SLK: variants seen among roughly 807,000 people sequenced by gnomAD.
The protein encoded by SLK is STE20-like serine/threonine-protein kinase.
In SLK, 67 loss-of-function variants were observed where a neutral mutation model predicts 147.7. The observed-to-expected ratio is 0.45, with a 90% CI of 0.37 to 0.56. The LOEUF (loss-of-function observed/expected upper bound fraction) is 0.56, where lower values mean the gene tolerates loss of function less well. Ranked by LOEUF, SLK falls within the 20% of genes least tolerant of loss-of-function variation. The pLI, the probability that SLK is intolerant of heterozygous loss-of-function variation, is 0.00. For missense variants in SLK, 1,136 were observed against 1,438.8 expected (o/e 0.79, Z 3.41); for synonymous variants, 441 against 475.0 (o/e 0.93, Z 0.93).
At chr10:103,971,264 GT>G (rs1264594304) in intron 1 of SLK, among the ~76,000 whole-genome samples, 1 of 148,892 alleles carries the variant, frequency 6.7e-6, no homozygotes. Context: ...TTTTGTTGTT[GT>G]TGTTTTGTTT....
In SLK at chr10:104,026,192, T is replaced by C. The variant is rs1844596954; in HGVS notation, c.*472T>C. ...ATAAAAAAGCTATGATTTGCTCAAA[T>C]ATGCTGTTGACTCAGTAAATGAATA... is the stretch of plus-strand genomic sequence containing the variant. On this transcript the variant is annotated 3_prime_UTR_variant, in exon 19 of 19. Coordinates refer to ENST00000369755, the MANE Select transcript of SLK (RefSeq NM_014720.4). 6.5e-6 allele frequency: 1 copy of C among 152,842 alleles called. No individual in the cohort carries two copies. The highest frequency in any genetic ancestry group is 1.5e-5 in the Non-Finnish European group (1 of 68,218). 9.5% of individuals were successfully genotyped at this position (152,842 alleles called of 1,614,324 possible).
rs1014065142 is a variant in SLK at position 104,007,199 on chromosome 10, A to G, written c.2605-978A>G. Among the ~76,000 whole-genome samples, 5 of 152,318 alleles carry G rather than the reference A, an allele frequency of 3.3e-5. No individual in the cohort carries two copies. In the East Asian group the frequency reaches 7.7e-4, roughly 23 times the overall value. On this transcript the variant is annotated intron_variant, in intron 11 of 18. Coordinates refer to ENST00000369755, the MANE Select transcript of SLK (RefSeq NM_014720.4). ...CTCAAATAAGCTCTTTGATTTATCA[A>G]AAATTTTATTGGATAAATATTGAAA...
chr10:104,001,016 G>GC (rs1844239245), intron 7 of SLK, among the ~76,000 whole-genome samples: 1 of 122,790 alleles, frequency 8.1e-6, no homozygotes, highest in African/African-American at 3.2e-5. Flanking sequence ...TTGAAATCGT[G>GC]CCACTGCCTT....
In SLK at chr10:104,005,910, A is replaced by G; in HGVS notation, c.2481-2A>G. ...TCTATCATTACCATTAAATTTTATC[A>G]GACGTCAGGAACTTCGGGAATTAAG... On this transcript the variant is annotated splice_acceptor_variant, in intron 10 of 18. Transcript: ENST00000369755. LOFTEE classifies it high-confidence loss of function. 1.3e-6 allele frequency: 2 copies of G among 1,599,462 alleles called. No homozygotes were observed. The highest frequency in any genetic ancestry group is 2.2e-5 in the East Asian group (1 of 44,762).
chr10:103,999,685 T>C (rs879756569), intron 6 of SLK, among the ~76,000 whole-genome samples, 182 bp from the exon 7 acceptor site: 4 of 152,192 alleles, frequency 2.6e-5, no homozygotes, highest in Admixed American at 6.5e-5. Flanking sequence ...CATATATGTC[T>C]AACATGTATT....
At chr10:103,992,764 TAACTC>T (rs1286207270) in intron 3 of SLK, 118 bp downstream of exon 3, 1 of 198,290 alleles carries the variant, frequency 5.0e-6, no homozygotes, top group African/African-American at 3.2e-5. Flanking sequence ...TTCAGTAAGT[TAACTC>T]AAGTATGTTT....
At chr10:103,981,454 T>C (rs1339602555) in intron 1 of SLK, among the ~76,000 whole-genome samples, 1 of 152,142 alleles carries the variant, frequency 6.6e-6, no homozygotes, top group Admixed American at 6.5e-5. Context: ...CATGCTGTCT[T>C]CTGAGAGTTT....
intron 4 of SLK, among the ~76,000 whole-genome samples, chr10:103,995,925 C>A (rs1170598419): frequency 6.6e-6 from 1 of 152,116 alleles, no homozygotes; most frequent in Non-Finnish European, 1.5e-5. Context: ...AAAATCTAAC[C>A]TCTGTAATAA....
chr10:104,013,516 A>G (rs1449970927), intron 13 of SLK, among the ~76,000 whole-genome samples: 1 of 152,272 alleles, frequency 6.6e-6, no homozygotes, highest in Non-Finnish European at 1.5e-5. Context: ...TCCATCTGTT[A>G]AGTGACTTGT....
chr10:104,019,379 A>C (rs1383696730), intron 15 of SLK, among the ~76,000 whole-genome samples: 1 of 152,032 alleles, frequency 6.6e-6, no homozygotes, highest in East Asian at 1.9e-4. Flanking sequence ...GGTTCAAGGG[A>C]TCCTCCTACC....
chr10:104,012,216 T>A (rs1012982114), intron 13 of SLK, among the ~76,000 whole-genome samples: 6 of 152,210 alleles, frequency 3.9e-5, no homozygotes, highest in Admixed American at 1.3e-4. Context: ...AATTTTTTTT[T>A]AAATTTTGCT....
chr10:103,992,021 G>A (rs1844100148), intron 2 of SLK, among the ~76,000 whole-genome samples: 1 of 151,636 alleles, frequency 6.6e-6, no homozygotes, highest in African/African-American at 2.4e-5. Flanking sequence ...AATTACAACT[G>A]TGGTAAGGGT....
chr10:104,016,393 A>C (rs1844466707), intron 13 of SLK, among the ~76,000 whole-genome samples: 1 of 152,190 alleles, frequency 6.6e-6, no homozygotes, highest in Non-Finnish European at 1.5e-5. Flanking sequence ...TAGGAAAAAG[A>C]AAAGCTTGAA....
intron 4 of SLK, among the ~76,000 whole-genome samples, chr10:103,997,093 C>T (rs2134485051): frequency 6.6e-6 from 1 of 152,242 alleles, no homozygotes; most frequent in South Asian, 2.1e-4. Flanking sequence ...TTCCACTCCT[C>T]CCAGCTTCTG....
At chr10:103,985,897 A>G (rs1844006178) in intron 1 of SLK, among the ~76,000 whole-genome samples, 2 of 152,234 alleles carry the variant, frequency 1.3e-5, no homozygotes, top group South Asian at 4.1e-4. Flanking sequence ...ACTTTCAGAC[A>G]ACTTATGTTT....
intron 1 of SLK, among the ~76,000 whole-genome samples, chr10:103,977,970 C>T (rs1361500220): frequency 2.6e-5 from 4 of 152,216 alleles, no homozygotes; most frequent in South Asian, 4.1e-4. Flanking sequence ...TTATTACACA[C>T]GTCTATCCAT....
intron 1 of SLK, among the ~76,000 whole-genome samples, chr10:103,989,464 CTTTTTTTTTTTT>C (rs68033075): frequency 1.3e-5 from 1 of 78,618 alleles, no homozygotes; most frequent in Non-Finnish European, 2.3e-5. Context: ...GTGGCAGTTT[CTTTTTTTTTTTT>C]TTTTTTTTTG....
chr10:104,008,124 G>A lies in SLK; in HGVS notation c.2605-53G>A. ...TCTTAGGAAACATCTTTACTATAAG[G>A]TATTAATATGGGTGATGGAAAAGTT... is the stretch of plus-strand genomic sequence containing the variant. On this transcript the variant is annotated intron_variant, in intron 11 of 18. Transcript: ENST00000369755. 3 of 1,341,876 alleles carry A rather than the reference G, an allele frequency of 2.2e-6. No homozygotes were observed. The South Asian group carries it at 3.8e-5, about 17-fold the overall frequency. 83.1% of individuals were successfully genotyped at this position (1,341,876 alleles called of 1,614,324 possible). A position where few individuals can be genotyped will look rare whatever the true frequency, so the allele number is the denominator to read the frequency against.
Position 104,011,214 on chromosome 10 carries a change from G to T in SLK, c.2877+306G>T, listed in dbSNP as rs140500918. 6.4e-3 allele frequency among the ~76,000 whole-genome samples: 967 copies of T among 152,276 alleles called. 5 individuals carry two copies. Among genetic ancestry groups the T allele is most frequent in the Admixed American group, 0.011 (173 of 15,288 alleles). On this transcript the variant is annotated intron_variant, in intron 13 of 18. Transcript: ENST00000369755. ...TGATGGGAGCTTATAGTTTTAAGTA[G>T]TAATGCCAATGTTTGTTAGAAAACT... is the stretch of plus-strand genomic sequence containing the variant.
Sources: gnomAD v4.1 joint callset for allele counts (sites outside exome capture counted in the v4.1 genomes callset) on GRCh38, gnomAD v4.1.1 for gene constraint, MANE v1.5 for transcripts, NCBI Gene and HGNC (gene_info 2026-07-23, HGNC 2026-07-21) for gene names.